Variants in SUFU observed in about 807,000 individuals in gnomAD.
SUFU encodes SUFU negative regulator of hedgehog signaling.
A neutral mutation model predicts 58.9 loss-of-function variants in SUFU; 7 were observed. The ratio of observed to expected loss-of-function variants is 0.12; its 90% confidence interval spans 0.07 to 0.22. The LOEUF (loss-of-function observed/expected upper bound fraction) is 0.22, where lower values mean the gene tolerates loss of function less well. Ranked by LOEUF, SUFU falls within the 10% of genes least tolerant of loss-of-function variation. The pLI is 1.00. For missense variants in SUFU, 451 were observed against 641.3 expected (o/e 0.70, Z 3.20); for synonymous variants, 232 against 254.8 (o/e 0.91, Z 0.85).
chr10:102,593,274 C>A (rs1433958090), intron 4 of SUFU, among the ~76,000 whole-genome samples: 1 of 152,142 alleles, frequency 6.6e-6, no homozygotes, highest in Non-Finnish European at 1.5e-5. Flanking sequence ...CCCCATGATA[C>A]CAGACTGGGT....
intron 2 of SUFU, among the ~76,000 whole-genome samples, chr10:102,531,015 A>G (rs2062670853): frequency 6.8e-6 from 1 of 147,844 alleles, no homozygotes; most frequent in Non-Finnish European, 1.5e-5. Context: ...AGTCAGGAGG[A>G]TTGCTTGAGC....
At chr10:102,599,397 A>C (rs532483417) in intron 7 of SUFU, 36 bp from the exon 8 acceptor site, 1 of 1,530,188 alleles carries the variant, frequency 6.5e-7, no homozygotes, top group African/African-American at 1.4e-5. Context: ...CTGGGAGCCC[A>C]CTGGGCCACT....
chr10:102,599,692 G>A, intron 8 of SUFU, 148 bp downstream of exon 8: 1 of 753,686 alleles, frequency 1.3e-6, no homozygotes, highest in African/African-American at 1.7e-5. Context: ...GCATGGTCTG[G>A]GGCACACAGA....
chr10:102,559,785 A>G (rs2063017097), intron 3 of SUFU, among the ~76,000 whole-genome samples: 1 of 152,206 alleles, frequency 6.6e-6, no homozygotes, highest in African/African-American at 2.4e-5. Context: ...TGGAGAGGCT[A>G]TCTGCTCTCA....
In SUFU at chr10:102,504,350, C is replaced by T. The variant is rs2274351; in HGVS notation, c.182+16C>T. ...TCAAGTACTGGTATGCTCTGGGCCG[C>T]GGGGAGACGGACAGGCGCGGGCTGG... On this transcript the variant is annotated intron_variant, in intron 1 of 11. Coordinates refer to ENST00000369902, the MANE Select transcript of SUFU (RefSeq NM_016169.4). The T allele has an allele frequency of 0.52, 831,500 of 1,613,042 alleles. 219,966 individuals carry two copies. Among genetic ancestry groups the T allele is most frequent in the Middle Eastern group, 0.59 (3,588 of 6,060 alleles).
At chr10:102,580,018 T>TCCCCCCCC (rs2063256711) in intron 3 of SUFU, among the ~76,000 whole-genome samples, 1 of 53,206 alleles carries the variant, frequency 1.9e-5, no homozygotes, top group Non-Finnish European at 3.6e-5. Context: ...GTTTTGGGTC[T>TCCCCCCCC]CCTCCCCCGC....
At chr10:102,624,295 A>G (rs934471865) in intron 10 of SUFU, among the ~76,000 whole-genome samples, 3 of 152,208 alleles carry the variant, frequency 2.0e-5, no homozygotes, top group Non-Finnish European at 2.9e-5. Context: ...GAGCTGCCCC[A>G]TCTTAGCTGT....
chr10:102,621,112 C>A (rs1187527610), intron 10 of SUFU, among the ~76,000 whole-genome samples: 4 of 152,198 alleles, frequency 2.6e-5, no homozygotes, highest in African/African-American at 7.2e-5. Flanking sequence ...CTCCTCTGGG[C>A]AAGCCCTGCC....
intron 6 of SUFU, among the ~76,000 whole-genome samples, chr10:102,595,002 G>A (rs1044036137): frequency 2.0e-4 from 31 of 152,314 alleles, no homozygotes; most frequent in African/African-American, 6.7e-4. Flanking sequence ...TTACAGGTTT[G>A]AGCTAGTGCG....
intron 7 of SUFU, 130 bp from the exon 8 acceptor site, chr10:102,599,303 G>T (rs183459254): frequency 5.2e-6 from 4 of 764,630 alleles, no homozygotes; most frequent in African/African-American, 1.7e-5. Flanking sequence ...ATCTGGATGC[G>T]TAGAGTGGGC....
At chr10:102,507,579 C>A (rs996921466) in intron 1 of SUFU, among the ~76,000 whole-genome samples, 2 of 152,230 alleles carry the variant, frequency 1.3e-5, no homozygotes, top group African/African-American at 4.8e-5. Flanking sequence ...TAGCAACTTT[C>A]TTAAAAGTTC....
At chr10:102,533,466 T>C (rs1342595077) in intron 2 of SUFU, among the ~76,000 whole-genome samples, 1 of 151,526 alleles carries the variant, frequency 6.6e-6, no homozygotes, top group East Asian at 1.9e-4. Flanking sequence ...CCCAGCTATT[T>C]GGGAGGTTGA....
chr10:102,591,772 AG>A (rs1409318990), intron 3 of SUFU: 2 of 152,216 alleles, frequency 1.3e-5, no homozygotes, highest in Non-Finnish European at 2.9e-5. Flanking sequence ...CCACGATGAG[AG>A]TCAGAGCTGG....
chr10:102,578,012 T>C (rs1200983645), intron 3 of SUFU, among the ~76,000 whole-genome samples: 1 of 149,718 alleles, frequency 6.7e-6, no homozygotes, highest in Non-Finnish European at 1.5e-5. Context: ...CCTTAGTCCC[T>C]TTGGCTTTAA....
rs1209342386 is a variant in SUFU at position 102,575,995 on chromosome 10, C to T, written c.455-16587C>T. ...GGGTCTACTGGCACATGCCACCATA[C>T]CCCGCTAATTTTTCTGTGTTTTTTT... is the stretch of plus-strand genomic sequence containing the variant. On this transcript the variant is annotated intron_variant, in intron 3 of 11. Coordinates refer to ENST00000369902, the MANE Select transcript of SUFU (RefSeq NM_016169.4). Among the ~76,000 whole-genome samples, 3 of 146,868 alleles carry T rather than the reference C, an allele frequency of 2.0e-5. No individual in the cohort carries two copies. The Admixed American group carries it at 2.1e-4, about 10-fold the overall frequency.
intron 2 of SUFU, among the ~76,000 whole-genome samples, chr10:102,511,991 C>T (rs928871030): frequency 2.0e-5 from 3 of 152,188 alleles, no homozygotes; most frequent in African/African-American, 7.2e-5. Context: ...GGATTACAGG[C>T]GTGAACCACT....
At chr10:102,519,211 T>G (rs1254449675) in intron 2 of SUFU, among the ~76,000 whole-genome samples, 1 of 143,360 alleles carries the variant, frequency 7.0e-6, no homozygotes, top group Non-Finnish European at 1.5e-5. Context: ...AGGTGACAGG[T>G]GTCATCTCTC....
At chr10:102,601,658 A>G (rs896568702) in intron 8 of SUFU, among the ~76,000 whole-genome samples, 2 of 152,324 alleles carry the variant, frequency 1.3e-5, no homozygotes, top group African/African-American at 4.8e-5. Context: ...ACACCCCTCA[A>G]GCCTGTCAGA....
Position 102,632,300 on chromosome 10 carries a change from A to G in SUFU, c.*2145A>G, listed in dbSNP as rs1390359510. 4.3e-6 allele frequency: 1 copy of G among 232,972 alleles called. No individual in the cohort carries two copies. Among genetic ancestry groups the G allele is most frequent in the Admixed American group, 5.6e-5 (1 of 17,728 alleles). 14.4% of individuals were successfully genotyped at this position (232,972 alleles called of 1,614,324 possible). On this transcript the variant is annotated 3_prime_UTR_variant, in exon 12 of 12. Transcript: ENST00000369902. ...CAGCATGGTGGCCCTGTTCTGGGGG[A>G]GCAGGGTAAGGCAGGAGGAAGTGGG...
Sources: allele counts gnomAD v4.1 joint callset (sites outside exome capture counted in the v4.1 genomes callset), GRCh38; gene constraint gnomAD v4.1.1; transcripts MANE v1.5; gene names NCBI Gene and HGNC (gene_info 2026-07-23, HGNC 2026-07-21).